FAM107B: variants seen among roughly 807,000 people sequenced by gnomAD.
FAM107B encodes the protein protein FAM107B.
A neutral mutation model predicts 31.5 loss-of-function variants in FAM107B; 21 were observed. The ratio of observed to expected loss-of-function variants is 0.67; its 90% CI spans 0.47 to 0.96. FAM107B has a LOEUF of 0.96. FAM107B is among the 40% of genes least tolerant of loss of function. FAM107B has a pLI of 0.00. For missense variants in FAM107B, 452 were observed against 377.1 expected (o/e 1.20, Z -1.64); for synonymous variants, 157 against 141.5 (o/e 1.11, Z -0.78).
chr10:14,627,687 C>T (rs1484081892), intron 2 of FAM107B, among the ~76,000 whole-genome samples: 3 of 152,116 alleles, frequency 2.0e-5, no homozygotes, highest in East Asian at 1.9e-4. Context: ...GCAGGTAGAT[C>T]GCTTGAGCCC....
chr10:14,532,175 T>C (rs557923348), intron 2 of FAM107B, among the ~76,000 whole-genome samples: 6 of 152,338 alleles, frequency 3.9e-5, no homozygotes, highest in South Asian at 2.1e-4. Flanking sequence ...CACTGCTCAC[T>C]GTCTCCTTCC....
chr10:14,707,906 A>G (rs1855557228), intron 1 of FAM107B, among the ~76,000 whole-genome samples: 1 of 152,178 alleles, frequency 6.6e-6, no homozygotes, highest in South Asian at 2.1e-4. Flanking sequence ...AGGGAAAAAA[A>G]AGAAAAATAC....
chr10:14,663,376 G>A (rs1290748093), intron 2 of FAM107B: 1 of 152,262 alleles, frequency 6.6e-6, no homozygotes, highest in African/African-American at 2.4e-5. Context: ...CATAGAAAGT[G>A]CAGGTGTGAA....
At chr10:14,600,885 C>T (rs1283026786) in intron 2 of FAM107B, among the ~76,000 whole-genome samples, 1 of 152,182 alleles carries the variant, frequency 6.6e-6, no homozygotes, top group East Asian at 1.9e-4. Flanking sequence ...AAGCATTCCA[C>T]CTGCCTCAGC....
At chr10:14,562,896 T>G (rs999485046) in intron 2 of FAM107B, among the ~76,000 whole-genome samples, 4 of 152,254 alleles carry the variant, frequency 2.6e-5, no homozygotes, top group African/African-American at 9.6e-5. Flanking sequence ...GATATTCTTT[T>G]GCCATTTCAC....
chr10:14,549,415 G>A (rs1364937983), intron 2 of FAM107B, among the ~76,000 whole-genome samples: 1 of 152,260 alleles, frequency 6.6e-6, no homozygotes, highest in Non-Finnish European at 1.5e-5. Context: ...ATAAAGATGA[G>A]AGAAGTTTAG....
intron 2 of FAM107B, among the ~76,000 whole-genome samples, chr10:14,585,513 C>T (rs187395098): frequency 6.6e-6 from 1 of 152,204 alleles, no homozygotes; most frequent in Non-Finnish European, 1.5e-5. Context: ...TACAGTCTCT[C>T]GAGCACTCCA....
chr10:14,570,231 TGG>T (rs138219118), intron 2 of FAM107B, among the ~76,000 whole-genome samples: 8 of 110,818 alleles, frequency 7.2e-5, no homozygotes, highest in South Asian at 3.7e-4. Context: ...AAAAATGTGG[TGG>T]GTGTGTGTGT....
At chr10:14,764,798 T>C (rs946993462) in intron 1 of FAM107B, among the ~76,000 whole-genome samples, 1 of 152,158 alleles carries the variant, frequency 6.6e-6, no homozygotes, top group Admixed American at 6.5e-5. Flanking sequence ...AGTGGAATAG[T>C]GAAATTATTA....
At chr10:14,675,337 AT>A (rs1469329145) in intron 1 of FAM107B, among the ~76,000 whole-genome samples, 1 of 151,946 alleles carries the variant, frequency 6.6e-6, no homozygotes, top group East Asian at 1.9e-4. Flanking sequence ...ACATTTTCTC[AT>A]TTGTCTGGTG....
At chr10:14,726,400 G>A (rs1051479334) in intron 1 of FAM107B, among the ~76,000 whole-genome samples, 3 of 152,170 alleles carry the variant, frequency 2.0e-5, no homozygotes, top group African/African-American at 4.8e-5. Flanking sequence ...CCTCAGAGCC[G>A]AGCAGAACAG....
intron 2 of FAM107B, among the ~76,000 whole-genome samples, chr10:14,619,962 G>C (rs1852962124): frequency 6.8e-6 from 1 of 147,736 alleles, no homozygotes; most frequent in African/African-American, 2.5e-5. Flanking sequence ...TGGTAGCTTT[G>C]TTGCAAATCA....
At chr10:14,720,001 G>A (rs1855873893) in intron 1 of FAM107B, among the ~76,000 whole-genome samples, 1 of 143,498 alleles carries the variant, frequency 7.0e-6, no homozygotes, top group Non-Finnish European at 1.6e-5. Flanking sequence ...AAAATGTGTT[G>A]GGGGAATGCC....
At chr10:14,547,193 T>C (rs899357751) in intron 2 of FAM107B, among the ~76,000 whole-genome samples, 1 of 152,222 alleles carries the variant, frequency 6.6e-6, no homozygotes, top group Non-Finnish European at 1.5e-5. Context: ...TCTGTATAAC[T>C]ACACGTTGTG....
At chr10:14,638,579 A>G (rs1298548107) in intron 2 of FAM107B, among the ~76,000 whole-genome samples, 1 of 152,166 alleles carries the variant, frequency 6.6e-6, no homozygotes, top group African/African-American at 2.4e-5. Flanking sequence ...CTTGACATTA[A>G]GCACCTTACT....
intron 2 of FAM107B, among the ~76,000 whole-genome samples, chr10:14,629,558 G>T (rs1331877228): frequency 1.4e-5 from 2 of 139,118 alleles, no homozygotes; most frequent in Non-Finnish European, 3.0e-5. Flanking sequence ...TGTCGCCCAG[G>T]CTGGAGTGCA....
At chr10:14,691,807 T>A (rs1855141597) in intron 1 of FAM107B, among the ~76,000 whole-genome samples, 1 of 151,142 alleles carries the variant, frequency 6.6e-6, no homozygotes, top group African/African-American at 2.4e-5. Flanking sequence ...GGCAGGAGAA[T>A]TGCTTGAACC....
In FAM107B at chr10:14,752,466, A is replaced by T. The variant is rs542950910; in HGVS notation, c.411+21787T>A. ...TTTCTGGGAGGTAGTCCAGATACAA[A>T]GACATATAGGTTCTAGTAAACCTCG... On this transcript the variant is annotated intron_variant, in intron 1 of 4. Coordinates refer to ENST00000181796, the MANE Select transcript of FAM107B (RefSeq NM_031453.4). 6.6e-5 allele frequency among the ~76,000 whole-genome samples: 10 copies of T among 152,336 alleles called. No individual in the cohort carries two copies. The East Asian group carries it at 1.9e-3, about 29-fold the overall frequency.
intron 1 of FAM107B, among the ~76,000 whole-genome samples, chr10:14,685,142 A>ATTT (rs59475861): frequency 3.8e-4 from 14 of 36,768 alleles, no homozygotes; most frequent in African/African-American, 1.2e-3. Flanking sequence ...ACATCCTTTT[A>ATTT]TTTTTTTTTT....
Sources: allele counts gnomAD v4.1 joint callset (sites outside exome capture counted in the v4.1 genomes callset), GRCh38; gene constraint gnomAD v4.1.1; transcripts MANE v1.5; gene names NCBI Gene and HGNC (gene_info 2026-07-23, HGNC 2026-07-21).